Variants in ATP8A2 observed in about 807,000 individuals in gnomAD.
ATP8A2 encodes the protein ATPase phospholipid transporting 8A2, also known as phospholipid-transporting ATPase IB.
In ATP8A2, 100 loss-of-function variants were observed where a neutral mutation model predicts 165.6. The observed-to-expected ratio is 0.60, with a 90% confidence interval of 0.51 to 0.71. The LOEUF (loss-of-function observed/expected upper bound fraction) is 0.71, where lower values mean the gene tolerates loss of function less well. Ranked by LOEUF, ATP8A2 falls within the 30% of genes least tolerant of loss-of-function variation. ATP8A2 has a pLI of 0.00. For missense variants in ATP8A2, 1,227 were observed against 1,479.5 expected (o/e 0.83, Z 2.80); for synonymous variants, 543 against 548.8 (o/e 0.99, Z 0.15).
At chr13:25,563,254 A>G (rs559172260) in intron 15 of ATP8A2, among the ~76,000 whole-genome samples, 1 of 152,284 alleles carries the variant, frequency 6.6e-6, no homozygotes, top group South Asian at 2.1e-4. Context: ...TACTAAAAAT[A>G]CAAAATTAGC....
chr13:25,767,421 CT>C (rs1381102158), intron 25 of ATP8A2, among the ~76,000 whole-genome samples: 4 of 152,184 alleles, frequency 2.6e-5, no homozygotes, highest in Non-Finnish European at 4.4e-5. Context: ...TGGAGGCTAT[CT>C]TTTAAGTTCT....
At chr13:25,725,058 GT>G (rs1555255385) in intron 25 of ATP8A2, among the ~76,000 whole-genome samples, 1 of 152,184 alleles carries the variant, frequency 6.6e-6, no homozygotes, top group Non-Finnish European at 1.5e-5. Context: ...ATCAGGAAGT[GT>G]AGCCTTTAAA....
intron 1 of ATP8A2, among the ~76,000 whole-genome samples, chr13:25,429,267 G>A (rs1015956542): frequency 3.4e-4 from 52 of 151,782 alleles, no homozygotes; most frequent in African/African-American, 1.2e-3. Context: ...CAACTCGGGA[G>A]GCTGAGGCAG....
chr13:25,825,859 A>C (rs555637443), intron 27 of ATP8A2, among the ~76,000 whole-genome samples: 100 of 152,252 alleles, frequency 6.6e-4, no homozygotes, highest in Non-Finnish European at 1.1e-3. Flanking sequence ...TTCACCGAGA[A>C]TAGCCAGACC....
chr13:25,405,555 T>C lies in ATP8A2; in HGVS notation c.76+33267T>C, dbSNP rs572992941. On this transcript the variant is annotated intron_variant, in intron 1 of 36. Transcript: ENST00000381655. Reference sequence around the variant, plus strand: ...TTGGGGTACTCCCAGCGTGCTCTCTTGAGACCCTAAAGAGCTTATGCAGGA... The same window carrying C: ...TTGGGGTACTCCCAGCGTGCTCTCTCGAGACCCTAAAGAGCTTATGCAGGA... 7.9e-5 allele frequency among the ~76,000 whole-genome samples: 12 copies of C among 152,258 alleles called. No homozygotes were observed. The South Asian group carries it at 2.5e-3, about 32-fold the overall frequency.
At chr13:25,517,983 A>T (rs1245994964) in intron 2 of ATP8A2, among the ~76,000 whole-genome samples, 2 of 152,202 alleles carry the variant, frequency 1.3e-5, no homozygotes, top group African/African-American at 4.8e-5. Context: ...AGCCTAAGGA[A>T]TTGATGCCAG....
intron 2 of ATP8A2, among the ~76,000 whole-genome samples, chr13:25,507,564 C>G (rs1390610915): frequency 1.3e-5 from 2 of 151,866 alleles, no homozygotes; most frequent in African/African-American, 4.8e-5. Context: ...CTGTGCCTGG[C>G]TGTGCTGGTA....
chr13:25,703,427 A>G (rs1050560679), intron 25 of ATP8A2, among the ~76,000 whole-genome samples: 1 of 152,178 alleles, frequency 6.6e-6, no homozygotes, highest in African/African-American at 2.4e-5. Context: ...TCTGGAAAGT[A>G]CCATATGACC....
chr13:25,849,989 C>T (rs1268994731), intron 30 of ATP8A2, among the ~76,000 whole-genome samples: 2 of 152,214 alleles, frequency 1.3e-5, no homozygotes, highest in African/African-American at 4.8e-5. Flanking sequence ...ACATGGAGAA[C>T]TTGTGTTACC....
intron 24 of ATP8A2, among the ~76,000 whole-genome samples, chr13:25,645,421 T>C (rs964379701): frequency 1.3e-5 from 2 of 152,172 alleles, no homozygotes; most frequent in Non-Finnish European, 2.9e-5. Context: ...CATATCATGC[T>C]CTGATCTTAA....
intron 1 of ATP8A2, among the ~76,000 whole-genome samples, chr13:25,391,889 G>A (rs1454348157): frequency 1.3e-5 from 2 of 152,096 alleles, no homozygotes; most frequent in East Asian, 3.8e-4. Context: ...AAGAATATGC[G>A]GTTGAAAAAA....
At chr13:25,793,987 A>C (rs995464743) in intron 27 of ATP8A2, among the ~76,000 whole-genome samples, 1 of 152,224 alleles carries the variant, frequency 6.6e-6, no homozygotes, top group African/African-American at 2.4e-5. Context: ...TGAAGAGCAC[A>C]GACATGGGGG....
chr13:25,653,154 C>A (rs1418322550), intron 24 of ATP8A2, among the ~76,000 whole-genome samples: 1 of 152,172 alleles, frequency 6.6e-6, no homozygotes, highest in African/African-American at 2.4e-5. Context: ...AGGAAGGGAT[C>A]CAGTTTCAAT....
chr13:26,012,591 C>T lies in ATP8A2; in HGVS notation c.3438C>T (p.Phe1146=), dbSNP rs1956872676. The T allele has an allele frequency of 5.9e-6, 9 of 1,523,562 alleles. No homozygotes were observed. In the Admixed American group the frequency reaches 1.7e-4, roughly 29 times the overall value. The allele number at this position is 1,523,562 out of a possible 1,614,324, so 94.4% of individuals were successfully genotyped here. A position where few individuals can be genotyped will look rare whatever the true frequency, so the allele number is the denominator to read the frequency against. ...RLGRKTPPTL[F]RGSSLQQGVP... is the part of the protein sequence containing the mutation. ...GCCGGAAGACGCCCCCGACGCTGTT[C>T]CGGGGCAGCTCCCTGCAGCAGGGCG... The change falls in exon 36 of 37, where the codon TTC becomes TTT. Residue 1146 remains phenylalanine (F), a synonymous_variant. Coordinates refer to ENST00000381655, the MANE Select transcript of ATP8A2 (RefSeq NM_016529.6).
intron 2 of ATP8A2, among the ~76,000 whole-genome samples, chr13:25,480,893 T>C (rs2036170490): frequency 6.6e-6 from 1 of 151,814 alleles, no homozygotes; most frequent in Admixed American, 6.6e-5. Flanking sequence ...CCAGACACCG[T>C]CTGCAATCCT....
intron 33 of ATP8A2, among the ~76,000 whole-genome samples, chr13:25,917,738 C>T (rs1954311045): frequency 6.6e-6 from 1 of 152,142 alleles, no homozygotes. Flanking sequence ...CTAGAAAATT[C>T]TATTTTGGTG....
chr13:25,541,969 A>G lies in ATP8A2; in HGVS notation c.702A>G (p.Leu234=), dbSNP rs759875060. The change falls in exon 9 of 37, where the codon TTA becomes TTG. Residue 234 remains leucine (L), a synonymous_variant. Transcript: ENST00000381655. ...DMQTREVLMK[L]SGTIECEGPN... ...AAACACGTGAAGTTCTGATGAAGTT[A>G]TCTGGAACTATAGAGTGTGAAGGGC... The G allele has an allele frequency of 1.9e-6, 3 of 1,614,098 alleles. No individual in the cohort carries two copies. The highest frequency in any genetic ancestry group is 4.5e-5 in the East Asian group (2 of 44,886).
At chr13:25,748,289 A>G (rs1019788894) in intron 25 of ATP8A2, among the ~76,000 whole-genome samples, 1 of 152,224 alleles carries the variant, frequency 6.6e-6, no homozygotes, top group African/African-American at 2.4e-5. Flanking sequence ...CAAATTGGTC[A>G]GAGTTCTGCC....
intron 2 of ATP8A2, among the ~76,000 whole-genome samples, chr13:25,481,937 A>C (rs2036217668): frequency 6.6e-6 from 1 of 152,146 alleles, no homozygotes; most frequent in South Asian, 2.1e-4. Context: ...CAACAGTAGC[A>C]TCCCATCACA....
Sources: gnomAD v4.1 joint callset for allele counts (sites outside exome capture counted in the v4.1 genomes callset) on GRCh38, gnomAD v4.1.1 for gene constraint, MANE v1.5 for transcripts, NCBI Gene and HGNC (gene_info 2026-07-23, HGNC 2026-07-21) for gene names.